Variants in LRRC4C observed in about 807,000 individuals in gnomAD.
LRRC4C encodes the protein leucine rich repeat containing 4C.
Under a neutral mutation model 33.6 loss-of-function variants are expected in LRRC4C, and 5 were observed. The ratio of observed to expected loss-of-function variants is 0.15; its 90% CI spans 0.08 to 0.31. The LOEUF (loss-of-function observed/expected upper bound fraction) is 0.31. Among genes scored for constraint, LRRC4C ranks in the 10% least tolerant of loss-of-function variants. The pLI is 1.00. For synonymous variants in LRRC4C, 329 were observed against 302.0 expected (o/e 1.09, Z -0.93); for missense variants, 560 against 796.7 (o/e 0.70, Z 3.58).
chr11:41,441,926 T>C (rs1200657859), intron 1 of LRRC4C, among the ~76,000 whole-genome samples: 3 of 152,118 alleles, frequency 2.0e-5, no homozygotes, highest in Non-Finnish European at 4.4e-5. Flanking sequence ...AAAACATAAA[T>C]TTAGGAAGGT....
chr11:40,161,712 G>C (rs1263979897), intron 5 of LRRC4C, among the ~76,000 whole-genome samples: 1 of 152,026 alleles, frequency 6.6e-6, no homozygotes, highest in African/African-American at 2.4e-5. Context: ...AGCCGAGATC[G>C]CGCCACTGCA....
chr11:40,204,298 C>T (rs1862985148), intron 5 of LRRC4C, among the ~76,000 whole-genome samples: 1 of 152,146 alleles, frequency 6.6e-6, no homozygotes, highest in South Asian at 2.1e-4. Context: ...TACAACATCC[C>T]TCCTACGTGC....
chr11:40,180,388 G>A (rs1389803164), intron 5 of LRRC4C, among the ~76,000 whole-genome samples: 2 of 152,182 alleles, frequency 1.3e-5, no homozygotes, highest in East Asian at 3.9e-4. Flanking sequence ...AAGCAGACAT[G>A]CATATTTTGC....
intron 2 of LRRC4C, among the ~76,000 whole-genome samples, chr11:40,914,462 A>G (rs1156586667): frequency 1.3e-5 from 2 of 152,204 alleles, no homozygotes; most frequent in African/African-American, 4.8e-5. Context: ...GATTATCTCA[A>G]TAGGTGCAGA....
chr11:40,858,692 T>TAAAAA (rs201131448), intron 2 of LRRC4C, among the ~76,000 whole-genome samples: 2 of 80,160 alleles, frequency 2.5e-5, no homozygotes, highest in African/African-American at 5.4e-5. Flanking sequence ...GACTCCTTCT[T>TAAAAA]AAAAAAAAAA....
At chr11:40,425,744 T>C in intron 3 of LRRC4C, among the ~76,000 whole-genome samples, 1 of 152,210 alleles carries the variant, frequency 6.6e-6, no homozygotes, top group East Asian at 1.9e-4. Flanking sequence ...CATAAAACAC[T>C]GGAACAACTA....
chr11:41,227,054 A>C (rs1947573581), intron 1 of LRRC4C, among the ~76,000 whole-genome samples: 1 of 151,912 alleles, frequency 6.6e-6, no homozygotes, highest in South Asian at 2.1e-4. Flanking sequence ...CTAACATTTA[A>C]AGATAATGGG....
chr11:40,844,131 C>T (rs1953044072), intron 2 of LRRC4C, among the ~76,000 whole-genome samples: 1 of 151,512 alleles, frequency 6.6e-6, no homozygotes, highest in Non-Finnish European at 1.5e-5. Context: ...GATGGTTGTA[C>T]CTTTAAAAAT....
chr11:41,269,814 C>T (rs1013623870), intron 1 of LRRC4C, among the ~76,000 whole-genome samples: 2 of 152,096 alleles, frequency 1.3e-5, no homozygotes, highest in African/African-American at 2.4e-5. Context: ...TTGCCTTTAG[C>T]ATCCAAACTT....
At chr11:40,285,382 G>C (rs191769529) in intron 4 of LRRC4C, among the ~76,000 whole-genome samples, 3 of 152,290 alleles carry the variant, frequency 2.0e-5, no homozygotes, top group East Asian at 3.9e-4. Flanking sequence ...TGATGGGATC[G>C]TATTACAGAG....
intron 3 of LRRC4C, among the ~76,000 whole-genome samples, chr11:40,376,585 A>C (rs1565328138): frequency 6.6e-6 from 1 of 152,184 alleles, no homozygotes; most frequent in Non-Finnish European, 1.5e-5. Context: ...TTACAGCCAG[A>C]TGCTGTAGCC....
chr11:40,123,772 A>C (rs190751976), intron 6 of LRRC4C, among the ~76,000 whole-genome samples: 1 of 152,266 alleles, frequency 6.6e-6, no homozygotes, highest in African/African-American at 2.4e-5. Flanking sequence ...AAAGACCCAG[A>C]ATAGCCAAAG....
At chr11:40,434,363 A>T (rs974972060) in intron 3 of LRRC4C, among the ~76,000 whole-genome samples, 3 of 152,198 alleles carry the variant, frequency 2.0e-5, no homozygotes, top group African/African-American at 7.2e-5. Flanking sequence ...GGCGAGCTGT[A>T]TTCTTCTGCT....
chr11:41,283,415 A>G (rs1429909842), intron 1 of LRRC4C, among the ~76,000 whole-genome samples: 1 of 152,160 alleles, frequency 6.6e-6, no homozygotes, highest in East Asian at 1.9e-4. Flanking sequence ...GGATTAGTCT[A>G]ATAAAGGAAC....
At chr11:40,185,270 A>G (rs1046493309) in intron 5 of LRRC4C, among the ~76,000 whole-genome samples, 1 of 152,156 alleles carries the variant, frequency 6.6e-6, no homozygotes, top group Admixed American at 6.5e-5. Flanking sequence ...AGCATGGGCC[A>G]CCTTGACCGT....
At chr11:41,362,848 C>G (rs1702713613) in intron 1 of LRRC4C, among the ~76,000 whole-genome samples, 1 of 151,764 alleles carries the variant, frequency 6.6e-6, no homozygotes, top group Non-Finnish European at 1.5e-5. Flanking sequence ...AGTATAAAAT[C>G]TTTTCTGTCT....
chr11:41,080,270 C>T (rs555340072), intron 1 of LRRC4C, among the ~76,000 whole-genome samples: 2 of 151,204 alleles, frequency 1.3e-5, no homozygotes, highest in Admixed American at 6.6e-5. Context: ...ATAGTGTTTG[C>T]ACTAATTACA....
At chr11:40,146,178 A>C (rs916161978) in intron 5 of LRRC4C, among the ~76,000 whole-genome samples, 1 of 152,164 alleles carries the variant, frequency 6.6e-6, no homozygotes. Context: ...TGAAGGATGG[A>C]TCAGGACTGG....
chr11:41,088,706 A>C (rs960257426), intron 1 of LRRC4C, among the ~76,000 whole-genome samples: 10 of 152,108 alleles, frequency 6.6e-5, no homozygotes, highest in African/African-American at 2.4e-4. Flanking sequence ...TTCCTTATTT[A>C]CCCCAAAGTT....
Sources: allele counts gnomAD v4.1 joint callset (sites outside exome capture counted in the v4.1 genomes callset), GRCh38; gene constraint gnomAD v4.1.1; transcripts MANE v1.5; gene names NCBI Gene and HGNC (gene_info 2026-07-23, HGNC 2026-07-21).